CRISPLD2: variants seen among roughly 807,000 people sequenced by gnomAD.
CRISPLD2 encodes cysteine rich secretory protein LCCL domain containing 2.
A neutral mutation model predicts 71.1 loss-of-function variants in CRISPLD2; 47 were observed. The observed-to-expected ratio is 0.66, with a 90% CI of 0.52 to 0.84. CRISPLD2 has a LOEUF of 0.84. Ranked by LOEUF, CRISPLD2 falls within the 40% of genes least tolerant of loss-of-function variation. The probability of loss-of-function intolerance (pLI) is 0.00; values close to 1 mark genes in which losing one functional copy is unlikely to be tolerated. For synonymous variants in CRISPLD2, 317 were observed against 250.1 expected (o/e 1.27, Z -2.52); for missense variants, 830 against 651.1 (o/e 1.27, Z -2.99).
At chr16:84,891,304 A>G (rs2071660312) in intron 14 of CRISPLD2, among the ~76,000 whole-genome samples, 2 of 152,154 alleles carry the variant, frequency 1.3e-5, no homozygotes, top group African/African-American at 4.8e-5. Flanking sequence ...CCCTGCTTCC[A>G]CTGCCAGCCT....
intron 13 of CRISPLD2, among the ~76,000 whole-genome samples, chr16:84,884,458 A>G (rs2071595076): frequency 6.6e-6 from 1 of 152,218 alleles, no homozygotes. Flanking sequence ...TCTGGGGTTC[A>G]CACAGGTCAT....
At chr16:84,847,050 C>T (rs1183908157) in intron 3 of CRISPLD2, among the ~76,000 whole-genome samples, 1 of 152,200 alleles carries the variant, frequency 6.6e-6, no homozygotes, top group Non-Finnish European at 1.5e-5. Flanking sequence ...CGTGCCATGC[C>T]CAAGGCCAGA....
chr16:84,883,009 A>G (rs1191888181), intron 13 of CRISPLD2, among the ~76,000 whole-genome samples: 2 of 152,190 alleles, frequency 1.3e-5, no homozygotes, highest in African/African-American at 4.8e-5. Flanking sequence ...TTTCACTAGG[A>G]TTTTGAGCTT....
At chr16:84,890,337 C>T (rs888944394) in intron 14 of CRISPLD2, among the ~76,000 whole-genome samples, 23 of 121,536 alleles carry the variant, frequency 1.9e-4, no homozygotes, top group African/African-American at 2.6e-4. Context: ...CCAGCCTGGG[C>T]GACAGAGTGA....
At chr16:84,893,601 T>C (rs2071681418) in intron 14 of CRISPLD2, among the ~76,000 whole-genome samples, 1 of 152,052 alleles carries the variant, frequency 6.6e-6, no homozygotes, top group Admixed American at 6.5e-5. Flanking sequence ...AGTGCAGAAA[T>C]GACAATGCCA....
chr16:84,827,008 T>C (rs1284641633), intron 1 of CRISPLD2, among the ~76,000 whole-genome samples: 1 of 152,070 alleles, frequency 6.6e-6, no homozygotes, highest in Non-Finnish European at 1.5e-5. Flanking sequence ...TGTTGATGCT[T>C]AACATACCAG....
intron 8 of CRISPLD2, among the ~76,000 whole-genome samples, chr16:84,870,477 G>A (rs963778564): frequency 6.6e-6 from 1 of 151,976 alleles, no homozygotes; most frequent in Non-Finnish European, 1.5e-5. Flanking sequence ...ACGCCACCAT[G>A]CCCGGCTCAT....
At chr16:84,867,131 G>T in intron 7 of CRISPLD2, 91 bp downstream of exon 7, 2 of 1,382,864 alleles carry the variant, frequency 1.4e-6, no homozygotes, top group Non-Finnish European at 2.0e-6. Context: ...GTGGATTTAG[G>T]TCTGCAAATC....
intron 10 of CRISPLD2, chr16:84,873,509 A>AAAC (rs2071491318): frequency 6.6e-6 from 1 of 151,766 alleles, no homozygotes; most frequent in Non-Finnish European, 1.4e-5. Context: ...ACAACAACAA[A>AAAC]AAAAAAAACA....
chr16:84,890,845 A>G (rs532059789), intron 14 of CRISPLD2, among the ~76,000 whole-genome samples: 1 of 152,170 alleles, frequency 6.6e-6, no homozygotes, highest in East Asian at 1.9e-4. Flanking sequence ...GAAATTCCTA[A>G]GTGGGGCCTT....
At chr16:84,853,558 G>C (rs1917148151) in intron 5 of CRISPLD2, among the ~76,000 whole-genome samples, 1 of 152,230 alleles carries the variant, frequency 6.6e-6, no homozygotes, top group Non-Finnish European at 1.5e-5. Context: ...GGTGAGGCCA[G>C]GGTGCTTCTG....
intron 5 of CRISPLD2, among the ~76,000 whole-genome samples, chr16:84,851,396 A>G (rs1415071610): frequency 6.6e-6 from 1 of 152,140 alleles, no homozygotes; most frequent in African/African-American, 2.4e-5. Context: ...TCATGGCCTG[A>G]GGTTTGCATG....
At chr16:84,901,703 C>G (rs1163001970) in intron 14 of CRISPLD2, among the ~76,000 whole-genome samples, 1 of 150,260 alleles carries the variant, frequency 6.7e-6, no homozygotes, top group Non-Finnish European at 1.5e-5. Context: ...GTCTTGAACT[C>G]CTGACCTCAA....
rs111587323 is a variant in CRISPLD2, at chr16:84,845,950, C to T, written c.359+46C>T. 3,845 of 1,300,716 alleles carry T rather than the reference C, an allele frequency of 3.0e-3. 23 individuals are homozygous for T. The highest frequency in any genetic ancestry group is 0.026 in the Middle Eastern group (127 of 4,940). The allele number at this position is 1,300,716 out of a possible 1,614,324, so 80.6% of individuals were successfully genotyped here. ...TCCGGCTGCCGCAGGACCCCACTGC[C>T]GTGTGCCGGGCTCAGCACTTGTGCC... On this transcript the variant is annotated intron_variant, in intron 3 of 14. Transcript: ENST00000262424.
chr16:84,821,024 T>C (rs1361975851), intron 1 of CRISPLD2, among the ~76,000 whole-genome samples: 1 of 152,214 alleles, frequency 6.6e-6, no homozygotes, highest in Non-Finnish European at 1.5e-5. Flanking sequence ...CCAACTTGAA[T>C]TGGGCGTCTC....
chr16:84,858,740 G>T (rs182253767), intron 6 of CRISPLD2, among the ~76,000 whole-genome samples: 3 of 152,346 alleles, frequency 2.0e-5, no homozygotes, highest in Admixed American at 6.5e-5. Context: ...AAGATACATT[G>T]CTGGCCTTTC....
intron 1 of CRISPLD2, 86 bp from the exon 2 acceptor site, chr16:84,838,336 G>A (rs1011994627): frequency 3.0e-5 from 24 of 803,944 alleles, no homozygotes; most frequent in South Asian, 1.7e-4. Context: ...GGAGAGAGTC[G>A]TGTGTGCTGC....
At chr16:84,853,440 G>T (rs116925818) in intron 5 of CRISPLD2, among the ~76,000 whole-genome samples, 2,434 of 152,326 alleles carry the variant, frequency 0.016, 42 homozygotes, top group Non-Finnish European at 0.02. Flanking sequence ...ATGTGAGAGG[G>T]TGGAAGAGGC....
At chr16:84,874,670 G>T (rs184574230) in intron 11 of CRISPLD2, among the ~76,000 whole-genome samples, 1 of 152,268 alleles carries the variant, frequency 6.6e-6, no homozygotes, top group Admixed American at 6.5e-5. Flanking sequence ...AAAAGTTCTA[G>T]TTAGATATCT....
Sources: allele counts gnomAD v4.1 joint callset (sites outside exome capture counted in the v4.1 genomes callset), GRCh38; gene constraint gnomAD v4.1.1; transcripts MANE v1.5; gene names NCBI Gene and HGNC (gene_info 2026-07-23, HGNC 2026-07-21).